Variants in DSE observed in about 807,000 individuals in gnomAD.
DSE encodes dermatan-sulfate epimerase.
DSE carries 36 observed loss-of-function variants against 84.4 expected under a neutral mutation model. That is an observed-to-expected ratio of 0.43 (90% confidence interval 0.33 to 0.56). The LOEUF is 0.56. DSE is among the 20% of genes least tolerant of loss of function. The probability of loss-of-function intolerance (pLI) is 0.06; values close to 1 mark genes in which losing one functional copy is unlikely to be tolerated. For missense variants in DSE, 862 were observed against 1,169.6 expected (o/e 0.74, Z 3.84); for synonymous variants, 410 against 430.1 (o/e 0.95, Z 0.58).
At position 116,294,554 on chromosome 6, in the gene DSE, G is replaced by C. The variant is rs1455041078; in HGVS notation, c.-54+35587G>C. ...CCAGGTTAATAGAAGGGTCAGGGAA[G>C]ATAGGAAAGCCATAAATATGGTTCT... On this transcript the variant is annotated intron_variant, in intron 2 of 3. Coordinates refer to the DSE transcript ENST00000430252. Among the ~76,000 whole-genome samples the C allele has an allele frequency of 1.1e-4, 16 of 144,898 alleles. No individual in the cohort carries two copies. The Admixed American group carries it at 1.1e-3, about 10-fold the overall frequency.
At chr6:116,300,238 CAG>C (rs2114701439) in intron 2 of DSE, among the ~76,000 whole-genome samples, 1 of 152,268 alleles carries the variant, frequency 6.6e-6, no homozygotes, top group South Asian at 2.1e-4. Flanking sequence ...TAGGAACTAA[CAG>C]AGTCATGTCC....
At chr6:116,411,100 T>C (rs772156674) in intron 2 of DSE, among the ~76,000 whole-genome samples, 57 of 152,292 alleles carry the variant, frequency 3.7e-4, no homozygotes, top group Non-Finnish European at 7.1e-4. Flanking sequence ...TCTCAAGCTT[T>C]ATTTTTAGCT....
chr6:116,371,262 C>T (rs1230394677), intron 1 of DSE, 141 bp downstream of exon 1: 4 of 955,952 alleles, frequency 4.2e-6, no homozygotes, highest in Middle Eastern at 5.4e-4. Context: ...CGGAGCGCCG[C>T]GGGTTGCGCG....
At chr6:116,327,159 T>C (rs1776672461) in intron 2 of DSE, among the ~76,000 whole-genome samples, 1 of 152,190 alleles carries the variant, frequency 6.6e-6, no homozygotes, top group South Asian at 2.1e-4. Context: ...AGGATTGGAA[T>C]CTCCAGCTTA....
intron 2 of DSE, among the ~76,000 whole-genome samples, chr6:116,353,139 A>G (rs1295628904): frequency 2.0e-5 from 3 of 152,166 alleles, no homozygotes; most frequent in African/African-American, 7.2e-5. Flanking sequence ...GTTAAAATAT[A>G]CATAGGAGTA....
At chr6:116,420,423 C>T (rs533506522) in intron 2 of DSE, among the ~76,000 whole-genome samples, 174 of 152,296 alleles carry the variant, frequency 1.1e-3, no homozygotes, top group Non-Finnish European at 6.2e-4. Context: ...AGAGCTTGTA[C>T]TCTTGTGCAC....
At chr6:116,323,326 G>A (rs989666442) in intron 2 of DSE, among the ~76,000 whole-genome samples, 1 of 152,122 alleles carries the variant, frequency 6.6e-6, no homozygotes, top group African/African-American at 2.4e-5. Flanking sequence ...GTTTCTTCAC[G>A]ACTGTACTCA....
chr6:116,397,873 T>C (rs1461045238), intron 1 of DSE, among the ~76,000 whole-genome samples: 2 of 152,160 alleles, frequency 1.3e-5, no homozygotes, highest in Non-Finnish European at 2.9e-5. Context: ...TATAAAAAAC[T>C]CCAGAATAAG....
chr6:116,374,222 A>G (rs1192218491), intron 1 of DSE, among the ~76,000 whole-genome samples: 1 of 152,212 alleles, frequency 6.6e-6, no homozygotes, highest in East Asian at 1.9e-4. Flanking sequence ...TATATTAAAT[A>G]TTACATAACC....
exon 2 of DSE, chr6:116,258,553 T>G: frequency 1.4e-6 from 2 of 1,469,132 alleles, no homozygotes; most frequent in Non-Finnish European, 1.9e-6. Context: ...CTTAATGGCA[T>G]AGGAGTTGGA....
chr6:116,328,389 A>G (rs1236075462), intron 2 of DSE, among the ~76,000 whole-genome samples: 1 of 152,226 alleles, frequency 6.6e-6, no homozygotes. Flanking sequence ...AATTTCTCAT[A>G]CGTTTCCTTT....
chr6:116,399,052 C>T, intron 1 of DSE, 146 bp from the exon 2 acceptor site: 1 of 652,436 alleles, frequency 1.5e-6, no homozygotes, highest in Non-Finnish European at 2.5e-6. Flanking sequence ...TAATTTTCTT[C>T]CTAATTAAAT....
At chr6:116,263,916 A>T (rs1400326617) in intron 2 of DSE, among the ~76,000 whole-genome samples, 1 of 152,210 alleles carries the variant, frequency 6.6e-6, no homozygotes, top group African/African-American at 2.4e-5. Flanking sequence ...AATGTTGAAC[A>T]TTGGCCCTCA....
rs1364346467 is a variant in DSE, at chr6:116,438,788, A to G, written c.*1443A>G. On this transcript the variant is annotated 3_prime_UTR_variant, in exon 6 of 6. Coordinates refer to ENST00000644252, the MANE Select transcript of DSE (RefSeq NM_013352.4). ...TGCTCTTTTAGTTCACAGCAATACC[A>G]GTATGTAACCAAAAGACAAGCTAGA... 2 of 152,196 alleles carry G rather than the reference A, an allele frequency of 1.3e-5. No homozygotes were observed. Among genetic ancestry groups the G allele is most frequent in the Non-Finnish European group, 2.9e-5 (2 of 68,018 alleles). 9.4% of individuals were successfully genotyped at this position (152,196 alleles called of 1,614,324 possible). A position where few individuals can be genotyped will look rare whatever the true frequency, so the allele number is the denominator to read the frequency against.
At chr6:116,298,574 T>C (rs959091630) in intron 2 of DSE, among the ~76,000 whole-genome samples, 1 of 152,232 alleles carries the variant, frequency 6.6e-6, no homozygotes, top group Non-Finnish European at 1.5e-5. Flanking sequence ...AATGTAGCCC[T>C]TCTGATACCT....
intron 1 of DSE, among the ~76,000 whole-genome samples, chr6:116,378,678 T>G (rs1780062911): frequency 6.6e-6 from 1 of 152,204 alleles, no homozygotes; most frequent in Admixed American, 6.5e-5. Context: ...ACCTAAGTAT[T>G]TGATATTCAT....
At chr6:116,274,886 G>A (rs1773053595) in intron 2 of DSE, among the ~76,000 whole-genome samples, 1 of 152,132 alleles carries the variant, frequency 6.6e-6, no homozygotes, top group Non-Finnish European at 1.5e-5. Flanking sequence ...AATTTTTACA[G>A]ATATTTTATA....
intron 2 of DSE, among the ~76,000 whole-genome samples, chr6:116,330,592 ATTATT>A (rs1776878229): frequency 6.6e-6 from 1 of 152,176 alleles, no homozygotes; most frequent in Non-Finnish European, 1.5e-5. Context: ...TGATGTTTTG[ATTATT>A]TTATTATAAG....
chr6:116,306,129 A>T (rs1775332767), intron 2 of DSE, among the ~76,000 whole-genome samples: 1 of 152,216 alleles, frequency 6.6e-6, no homozygotes, highest in Non-Finnish European at 1.5e-5. Flanking sequence ...ATATGTAAAA[A>T]GAGAACAATA....
Sources: gnomAD v4.1 joint callset for allele counts (sites outside exome capture counted in the v4.1 genomes callset) on GRCh38, gnomAD v4.1.1 for gene constraint, MANE v1.5 for transcripts, NCBI Gene and HGNC (gene_info 2026-07-23, HGNC 2026-07-21) for gene names.